Variants in CLCA4 observed in about 807,000 individuals in gnomAD.
The protein encoded by CLCA4 is chloride channel accessory 4, also known as calcium-activated chloride channel regulator 4.
Under a neutral mutation model 78.9 loss-of-function variants are expected in CLCA4, and 69 were observed. The observed-to-expected ratio is 0.87, with a 90% CI of 0.72 to 1.07. CLCA4 has a LOEUF of 1.07. Ranked by LOEUF, CLCA4 falls within the 50% of genes least tolerant of loss-of-function variation. The pLI, the probability that CLCA4 is intolerant of heterozygous loss-of-function variation, is 0.00. For synonymous variants in CLCA4, 362 were observed against 375.8 expected (o/e 0.96, Z 0.42); for missense variants, 1,133 against 1,095.8 (o/e 1.03, Z -0.48).
chr1:86,557,946 C>G (rs1419150352), intron 1 of CLCA4, among the ~76,000 whole-genome samples: 8 of 150,582 alleles, frequency 5.3e-5, no homozygotes, highest in Admixed American at 5.3e-4. Flanking sequence ...TAATGCCCTT[C>G]TTTGTCTTTT....
Position 86,567,426 on chromosome 1 carries a change from TA to T in CLCA4, c.959del (p.Lys320ArgfsTer4). ...VLDKSGSMGG[K>X]DRLNRMNQAA... ...TTTTTCTTGTCTTTTTAATCTAGGG[TA>T]AGGACCGCCTAAATCGAATGAATCA... is the stretch of plus-strand genomic sequence containing the variant. On this transcript the variant is annotated frameshift_variant, in exon 7 of 14. Transcript: ENST00000370563. LOFTEE classifies it high-confidence loss of function. 6.2e-7 allele frequency: 1 copy of T among 1,608,172 alleles called. No homozygotes were observed. The highest frequency in any genetic ancestry group is 8.5e-7 in the Non-Finnish European group (1 of 1,176,522).
chr1:86,579,635 T>C, intron 13 of CLCA4, 48 bp downstream of exon 13: 1 of 1,432,216 alleles, frequency 7.0e-7, no homozygotes, highest in Non-Finnish European at 9.8e-7. Flanking sequence ...AAGGTGCTAA[T>C]TGCAAAAACA....
intron 1 of CLCA4, chr1:86,553,124 T>C (rs1649715204): frequency 1.2e-6 from 1 of 801,452 alleles, no homozygotes; most frequent in Non-Finnish European, 2.2e-6. Flanking sequence ...CCATCCTGCG[T>C]CATCTCCTCT....
chr1:86,549,922 G>A (rs1314456763), intron 1 of CLCA4, among the ~76,000 whole-genome samples: 1 of 152,068 alleles, frequency 6.6e-6, no homozygotes, highest in Admixed American at 6.5e-5. Flanking sequence ...TACAGATGGA[G>A]AAGAGAAAGG....
intron 1 of CLCA4, among the ~76,000 whole-genome samples, chr1:86,553,807 G>T (rs1649744459): frequency 6.6e-6 from 1 of 151,996 alleles, no homozygotes; most frequent in African/African-American, 2.4e-5. Flanking sequence ...CCAGTGGCAG[G>T]CGCCTGTAAT....
chr1:86,559,859 C>T (rs1649960192), intron 1 of CLCA4, 73 bp from the exon 2 acceptor site: 1 of 1,188,366 alleles, frequency 8.4e-7, no homozygotes, highest in Non-Finnish European at 1.2e-6. Flanking sequence ...TTGGGAAATG[C>T]CTGTCACAAA....
At chr1:86,549,301 C>T (rs1035387457) in intron 1 of CLCA4, among the ~76,000 whole-genome samples, 1 of 152,094 alleles carries the variant, frequency 6.6e-6, no homozygotes, top group African/African-American at 2.4e-5. Context: ...GGTGAGAATT[C>T]GTTTGATGTA....
At chr1:86,557,661 A>T (rs2101796175) in intron 1 of CLCA4, among the ~76,000 whole-genome samples, 1 of 152,258 alleles carries the variant, frequency 6.6e-6, no homozygotes, top group South Asian at 2.1e-4. Flanking sequence ...AGTATGTGCC[A>T]TGTGGTGATG....
Position 86,560,298 on chromosome 1 carries a change from T to A in CLCA4, c.388T>A (p.Tyr130Asn). Residue 130 changes from tyrosine to asparagine, a missense_variant, in exon 3 of 14, where the codon TAC becomes AAC. Coordinates refer to ENST00000370563, the MANE Select transcript of CLCA4 (RefSeq NM_012128.4). ...QFTECGEKGE[Y>N]IHFTPDLLLG... is the part of the protein sequence containing the mutation. ...CACAGAATGTGGAGAGAAAGGCGAA[T>A]ACATTCACTTCACCCCTGACCTTCT... is the stretch of plus-strand genomic sequence containing the variant. The A allele has an allele frequency of 6.2e-7, 1 of 1,614,056 alleles. No individual in the cohort carries two copies. Among genetic ancestry groups the A allele is most frequent in the Non-Finnish European group, 8.5e-7 (1 of 1,179,934 alleles).
chr1:86,563,903 G>C lies in CLCA4; in HGVS notation c.557+134G>C, dbSNP rs189082890. The C allele has an allele frequency of 4.7e-5, 24 of 513,442 alleles. No homozygotes were observed. The South Asian group carries it at 7.9e-4, about 17-fold the overall frequency. The allele number at this position is 513,442 out of a possible 1,614,324, so 31.8% of individuals were successfully genotyped here. A position where few individuals can be genotyped will look rare whatever the true frequency, so the allele number is the denominator to read the frequency against. On this transcript the variant is annotated intron_variant, in intron 4 of 13. Coordinates refer to ENST00000370563, the MANE Select transcript of CLCA4 (RefSeq NM_012128.4). ...CAATGCTTTTATTTTTTTTTAGAAAGTGTATCTTTAAGTAGTTGATTGCTA... is the reference window on the plus strand; with the variant it reads ...CAATGCTTTTATTTTTTTTTAGAAACTGTATCTTTAAGTAGTTGATTGCTA...
intron 4 of CLCA4, 113 bp downstream of exon 4, chr1:86,563,882 G>T: frequency 1.4e-5 from 7 of 516,362 alleles, no homozygotes; most frequent in East Asian, 3.4e-5. Context: ...ACAAAACAAT[G>T]CTTTTATTTT....
At chr1:86,572,481 A>G (rs981444117) in intron 8 of CLCA4, 133 bp from the exon 9 acceptor site, 20 of 597,022 alleles carry the variant, frequency 3.3e-5, no homozygotes, top group Non-Finnish European at 5.4e-5. Context: ...AACCTGTACA[A>G]CTATGTGCTT....
rs531167103 is a variant in CLCA4 at position 86,572,246 on chromosome 1, T to C, written c.1361-368T>C. Among the ~76,000 whole-genome samples, 13 of 151,670 alleles carry C rather than the reference T, an allele frequency of 8.6e-5. 1 individual carries two copies. The South Asian group carries it at 2.1e-3, about 24-fold the overall frequency. The stretch of plus-strand genomic sequence containing the variant: ...GATTAACAATCTTTTAACAAAAGAT[T>C]TCACAAATCTACACTGGCTGAAATA... On this transcript the variant is annotated intron_variant, in intron 8 of 13. Transcript: ENST00000370563.
chr1:86,559,900 C>A, intron 1 of CLCA4, 32 bp from the exon 2 acceptor site: 1 of 1,557,080 alleles, frequency 6.4e-7, no homozygotes, highest in South Asian at 1.2e-5. Context: ...TCTAACTTCA[C>A]CATCCTCACA....
chr1:86,550,939 C>T (rs1649639203), intron 1 of CLCA4, among the ~76,000 whole-genome samples: 1 of 150,836 alleles, frequency 6.6e-6, no homozygotes, highest in Admixed American at 6.6e-5. Flanking sequence ...TCACGCCATT[C>T]TCCTGTCTCA....
chr1:86,561,034 G>T (rs984315916), intron 3 of CLCA4, among the ~76,000 whole-genome samples: 1 of 152,166 alleles, frequency 6.6e-6, no homozygotes, highest in Middle Eastern at 3.2e-3. Context: ...TGCTGAATCC[G>T]CATACCCCAG....
At chr1:86,550,833 C>CTT (rs776646480) in intron 1 of CLCA4, among the ~76,000 whole-genome samples, 31 of 134,464 alleles carry the variant, frequency 2.3e-4, no homozygotes, top group Middle Eastern at 3.7e-3. Flanking sequence ...GGGATCATTT[C>CTT]TTTTTTTTTT....
intron 1 of CLCA4, among the ~76,000 whole-genome samples, chr1:86,557,881 A>G (rs1238750690): frequency 6.6e-6 from 1 of 151,724 alleles, no homozygotes; most frequent in Non-Finnish European, 1.5e-5. Flanking sequence ...TGTTGGGCAT[A>G]TATATATTTA....
Position 86,565,435 on chromosome 1 carries a change from T to C in CLCA4, c.719T>C (p.Met240Thr). 6.3e-7 allele frequency: 1 copy of C among 1,592,022 alleles called. No individual in the cohort carries two copies. Residue 240 changes from methionine to threonine, a missense_variant, in exon 5 of 14, where the codon ATG (methionine) becomes ACG (threonine). Met to Thr is a moderately conservative substitution (Grantham distance 81). Transcript: ENST00000370563. ...ACAGAAAAAGCATCCATAATGTTTA[T>C]GCAAAGTATTGATTCTGTAAGTATG... ...VQTEKASIMFMQSIDSVVEFC... is the reference protein window; with the variant it reads ...VQTEKASIMFTQSIDSVVEFC...
Sources: gnomAD v4.1 joint callset for allele counts (sites outside exome capture counted in the v4.1 genomes callset) on GRCh38, gnomAD v4.1.1 for gene constraint, MANE v1.5 for transcripts, NCBI Gene and HGNC (gene_info 2026-07-23, HGNC 2026-07-21) for gene names.